DLG2: variants seen among roughly 807,000 people sequenced by gnomAD.
The protein encoded by DLG2 is disks large homolog 2.
In DLG2, 45 loss-of-function variants were observed where a neutral mutation model predicts 132.5. That is an observed-to-expected ratio of 0.34 (90% CI 0.27 to 0.44). DLG2 has a LOEUF of 0.44. Among genes scored for constraint, DLG2 ranks in the 20% least tolerant of loss-of-function variants. The probability of loss-of-function intolerance (pLI) is 1.00; values close to 1 mark genes in which losing one functional copy is unlikely to be tolerated. For missense variants in DLG2, 1,045 were observed against 1,196.9 expected (o/e 0.87, Z 1.87); for synonymous variants, 424 against 419.6 (o/e 1.01, Z -0.13).
chr11:85,127,636 G>C (rs1312466995), intron 5 of DLG2, among the ~76,000 whole-genome samples: 6 of 152,250 alleles, frequency 3.9e-5, no homozygotes, highest in African/African-American at 1.2e-4. Flanking sequence ...TAAAATGAAT[G>C]AATAAATGTG....
intron 3 of DLG2, among the ~76,000 whole-genome samples, chr11:85,581,096 T>G (rs1370828258): frequency 6.6e-6 from 1 of 152,164 alleles, no homozygotes; most frequent in Non-Finnish European, 1.5e-5. Context: ...GCTCTCTTCC[T>G]ACCGGGCCCT....
intron 9 of DLG2, among the ~76,000 whole-genome samples, chr11:84,108,661 A>G (rs2093137390): frequency 6.6e-6 from 1 of 152,172 alleles, no homozygotes; most frequent in Non-Finnish European, 1.5e-5. Context: ...AGGGGGTCAG[A>G]CACTGGGGAC....
intron 17 of DLG2, among the ~76,000 whole-genome samples, chr11:83,798,931 G>T (rs1476485020): frequency 6.6e-6 from 1 of 152,200 alleles, no homozygotes; most frequent in Admixed American, 6.5e-5. Context: ...CAGCTAAGGA[G>T]CTGCTCTGAA....
chr11:84,220,780 C>CTTTTTTT (rs5793114), intron 8 of DLG2, among the ~76,000 whole-genome samples: 40 of 77,540 alleles, frequency 5.2e-4, no homozygotes, highest in East Asian at 1.2e-3. Flanking sequence ...TTTTTCTTTT[C>CTTTTTTT]TTTTTTTTTT....
chr11:83,948,179 A>T (rs939634880), intron 14 of DLG2, among the ~76,000 whole-genome samples: 1 of 152,254 alleles, frequency 6.6e-6, no homozygotes, highest in Non-Finnish European at 1.5e-5. Flanking sequence ...AACAAAAAAT[A>T]AAATCTCAGG....
intron 6 of DLG2, among the ~76,000 whole-genome samples, chr11:85,028,488 G>T (rs1320876375): frequency 6.6e-6 from 1 of 152,114 alleles, no homozygotes; most frequent in Non-Finnish European, 1.5e-5. Context: ...GTCGTCCACA[G>T]AGCCTGCAGG....
At chr11:84,063,708 C>T (rs2096627110) in intron 10 of DLG2, among the ~76,000 whole-genome samples, 1 of 152,052 alleles carries the variant, frequency 6.6e-6, no homozygotes, top group African/African-American at 2.4e-5. Context: ...GACTTGGAAC[C>T]AACCCAAATG....
intron 8 of DLG2, among the ~76,000 whole-genome samples, chr11:84,166,601 A>G (rs1596472399): frequency 6.6e-6 from 1 of 152,076 alleles, no homozygotes; most frequent in African/African-American, 2.4e-5. Flanking sequence ...AAACGAATAT[A>G]CCAGTACAGT....
chr11:83,500,046 C>T (rs2094388547), intron 21 of DLG2, among the ~76,000 whole-genome samples: 2 of 151,186 alleles, frequency 1.3e-5, no homozygotes, highest in East Asian at 1.9e-4. Context: ...TCACATGTCC[C>T]CTCTTGCTTG....
chr11:84,174,014 C>CTTGTTTTTTTTTT (rs2095882033), intron 8 of DLG2, among the ~76,000 whole-genome samples: 1 of 61,202 alleles, frequency 1.6e-5, no homozygotes, highest in Non-Finnish European at 2.9e-5. Context: ...ACCCCCCGGC[C>CTTGTTTTTTTTTT]TTTTTTTTTT....
chr11:84,214,458 T>G (rs2096808593), intron 8 of DLG2, among the ~76,000 whole-genome samples: 1 of 151,764 alleles, frequency 6.6e-6, no homozygotes, highest in Non-Finnish European at 1.5e-5. Context: ...AACATATATG[T>G]CTGAGTATAT....
chr11:84,189,815 C>G (rs570841571), intron 8 of DLG2, among the ~76,000 whole-genome samples: 1 of 152,124 alleles, frequency 6.6e-6, no homozygotes, highest in Non-Finnish European at 1.5e-5. Flanking sequence ...CACACTGGGT[C>G]TTATCAGAGA....
At chr11:83,671,815 ATTACCAATAAC>A (rs1230001844) in intron 18 of DLG2, among the ~76,000 whole-genome samples, 12 of 152,228 alleles carry the variant, frequency 7.9e-5, no homozygotes, top group African/African-American at 2.9e-4. Flanking sequence ...CATCTCAAAT[ATTACCAATAAC>A]TTTTCACCAC....
intron 6 of DLG2, among the ~76,000 whole-genome samples, chr11:85,110,453 C>T (rs1279335602): frequency 6.6e-6 from 1 of 151,808 alleles, no homozygotes; most frequent in Non-Finnish European, 1.5e-5. Flanking sequence ...AGAAAAACCA[C>T]ATCCTTTCTC....
intron 8 of DLG2, among the ~76,000 whole-genome samples, chr11:84,245,450 T>G (rs1302901165): frequency 6.6e-6 from 1 of 152,196 alleles, no homozygotes; most frequent in African/African-American, 2.4e-5. Context: ...ACTCATATTC[T>G]TCATAACCTA....
At position 84,298,061 on chromosome 11, in the gene DLG2, A is replaced by T. The variant is rs551495455; in HGVS notation, c.520-46770T>A. ...TCACATTACCATAATTTAATTTGTA[A>T]TAGCACACCCCTGTCTGAAGTAATC... On this transcript the variant is annotated intron_variant, in intron 7 of 27. Coordinates refer to ENST00000376104, the MANE Select transcript of DLG2 (RefSeq NM_001142699.3). 2.0e-5 allele frequency among the ~76,000 whole-genome samples: 3 copies of T among 152,232 alleles called. No homozygotes were observed. In the South Asian group the frequency reaches 6.2e-4, roughly 32 times the overall value.
intron 7 of DLG2, among the ~76,000 whole-genome samples, chr11:84,445,555 A>C (rs2099031203): frequency 6.6e-6 from 1 of 152,108 alleles, no homozygotes; most frequent in South Asian, 2.1e-4. Flanking sequence ...TTTTACTATA[A>C]TATTTTCTTT....
At chr11:85,499,458 C>T (rs745815733) in intron 3 of DLG2, among the ~76,000 whole-genome samples, 19 of 152,110 alleles carry the variant, frequency 1.2e-4, no homozygotes, top group South Asian at 6.2e-4. Context: ...AATTAATAGC[C>T]TACCAACCAA....
intron 11 of DLG2, among the ~76,000 whole-genome samples, chr11:84,021,595 C>T (rs1160200286): frequency 6.6e-6 from 1 of 152,064 alleles, no homozygotes; most frequent in Non-Finnish European, 1.5e-5. Context: ...CATGACAGTA[C>T]CTGTGGGTGG....
Sources: allele counts gnomAD v4.1 joint callset (sites outside exome capture counted in the v4.1 genomes callset), GRCh38; gene constraint gnomAD v4.1.1; transcripts MANE v1.5; gene names NCBI Gene and HGNC (gene_info 2026-07-23, HGNC 2026-07-21).